CEP120: variants seen among roughly 807,000 people sequenced by gnomAD.
The protein encoded by CEP120 is centrosomal protein of 120 kDa.
In CEP120, 113 loss-of-function variants were observed where a neutral mutation model predicts 126.5. The ratio of observed to expected loss-of-function variants is 0.89; its 90% CI spans 0.77 to 1.04. The LOEUF (loss-of-function observed/expected upper bound fraction) is 1.04, where lower values mean the gene tolerates loss of function less well. Among genes scored for constraint, CEP120 ranks in the 50% least tolerant of loss-of-function variants. CEP120 has a pLI of 0.00. For missense variants in CEP120, 1,230 were observed against 1,155.7 expected, an observed-to-expected ratio of 1.06 and a Z score of -0.93; for synonymous variants, 400 against 394.3, an observed-to-expected ratio of 1.01 and a Z score of -0.17.
intron 19 of CEP120, among the ~76,000 whole-genome samples, chr5:123,347,285 G>GTCTT (rs1271142099): frequency 2.0e-5 from 3 of 151,506 alleles, no homozygotes; most frequent in Non-Finnish European, 4.4e-5. Context: ...TTTATTATTG[G>GTCTT]TCTTTAGGTT....
chr5:123,409,983 A>AC (rs1441095646), intron 4 of CEP120, among the ~76,000 whole-genome samples: 1 of 124,730 alleles, frequency 8.0e-6, no homozygotes, highest in African/African-American at 3.0e-5. Flanking sequence ...AAAAAAAAAA[A>AC]AAAAAAAACC....
intron 3 of CEP120, among the ~76,000 whole-genome samples, chr5:123,413,866 C>T (rs943926211): frequency 2.0e-5 from 3 of 152,102 alleles, no homozygotes; most frequent in Non-Finnish European, 2.9e-5. Context: ...TTTCCAGCTA[C>T]TCAGAGAATT....
intron 7 of CEP120, among the ~76,000 whole-genome samples, chr5:123,390,573 A>G (rs1371277974): frequency 6.6e-6 from 1 of 152,218 alleles, no homozygotes; most frequent in Non-Finnish European, 1.5e-5. Context: ...CGGTTCTTCT[A>G]TCTTTAATTC....
chr5:123,367,543 G>A (rs1770553665), intron 17 of CEP120, among the ~76,000 whole-genome samples: 1 of 151,632 alleles, frequency 6.6e-6, no homozygotes, highest in Admixed American at 6.6e-5. Flanking sequence ...TCCGAACAGC[G>A]ATGCTGAACA....
chr5:123,370,685 G>GTGTA (rs1554101243), intron 17 of CEP120, among the ~76,000 whole-genome samples: 39 of 146,096 alleles, frequency 2.7e-4, no homozygotes, highest in African/African-American at 4.3e-4. Flanking sequence ...GTGTGTGTGT[G>GTGTA]TATATATATA....
rs757166785 is a variant in CEP120 at position 123,372,688 on chromosome 5, G to A, written c.2443C>T (p.Arg815Cys). Reference protein sequence around the residue: ...KDQQNNKPEIRLQSEINLLTL... With the variant: ...KDQQNNKPEICLQSEINLLTL... ...AGAAGATTTATTTCAGACTGTAGAC[G>A]GATTTCTGGTTTGTTGTTTTGCTGG... is the stretch of plus-strand genomic sequence containing the variant. Residue 815 changes from arginine (R) to cysteine (C), a missense_variant, in exon 17 of 20, where the codon CGT becomes TGT. Transcript: ENST00000306467. 22 of 1,611,630 alleles carry A rather than the reference G, an allele frequency of 1.4e-5. No homozygotes were observed. Among genetic ancestry groups the A allele is most frequent in the Admixed American group, 1.7e-5 (1 of 59,736 alleles).
At chr5:123,406,405 A>AAC (rs1361564673) in intron 4 of CEP120, among the ~76,000 whole-genome samples, 1 of 151,468 alleles carries the variant, frequency 6.6e-6, no homozygotes, top group Non-Finnish European at 1.5e-5. Flanking sequence ...AAAAAAAAAA[A>AAC]ACTTGCTGCT....
intron 4 of CEP120, chr5:123,400,825 T>G (rs561551815): frequency 1.2e-6 from 1 of 841,150 alleles, no homozygotes; most frequent in South Asian, 1.3e-5. Context: ...CTCAGGTGGG[T>G]CTCCTGTTCC....
chr5:123,394,473 T>A (rs546107086), intron 5 of CEP120, among the ~76,000 whole-genome samples: 1 of 152,188 alleles, frequency 6.6e-6, no homozygotes, highest in African/African-American at 2.4e-5. Flanking sequence ...ACTGATCTGA[T>A]AGGAGGCAGA....
rs1473687831 is a variant in CEP120 at position 123,346,263 on chromosome 5, T to C, written c.*256A>G. 2.8e-6 allele frequency: 1 copy of C among 353,264 alleles called. No individual in the cohort carries two copies. Among genetic ancestry groups the C allele is most frequent in the Non-Finnish European group, 5.1e-6 (1 of 196,450 alleles). 21.9% of individuals were successfully genotyped at this position (353,264 alleles called of 1,614,324 possible). A position where few individuals can be genotyped will look rare whatever the true frequency, so the allele number is the denominator to read the frequency against. ...AGCTGTTTTGAAAGTTAGTTAGCCA[T>C]CAGATTATAAACTATGAAAAACACT... On this transcript the variant is annotated 3_prime_UTR_variant, in exon 20 of 20. Transcript: ENST00000306467.
rs757289429 is a variant in CEP120, at chr5:123,388,400, AAAT to A, written c.1430+29_1430+31del. 12 of 1,415,212 alleles carry A rather than the reference AAAT, an allele frequency of 8.5e-6. No homozygotes were observed. The South Asian group carries it at 1.9e-4, about 23-fold the overall frequency. The allele number at this position is 1,415,212 out of a possible 1,614,324, so 87.7% of individuals were successfully genotyped here. A position where few individuals can be genotyped will look rare whatever the true frequency, so the allele number is the denominator to read the frequency against. ...CACAGGAAAGTCCTTTCTCTTCAGA[AAAT>A]AATACTTTGAAACAAAATCAAATCA... On this transcript the variant is annotated intron_variant, in intron 9 of 19. Coordinates refer to ENST00000306467, the MANE Select transcript of CEP120 (RefSeq NM_001375405.1).
At chr5:123,383,181 A>G in intron 11 of CEP120, 99 bp from the exon 12 acceptor site, 2 of 678,444 alleles carry the variant, frequency 2.9e-6, no homozygotes, top group Non-Finnish European at 4.9e-6. Context: ...AGTAAGCAAC[A>G]TTTTCTGCTC....
At position 123,415,530 on chromosome 5, in the gene CEP120, C is replaced by T. The variant is rs147310102; in HGVS notation, c.321+480G>A. Among the ~76,000 whole-genome samples, 33 of 152,252 alleles carry T rather than the reference C, an allele frequency of 2.2e-4. 1 individual carries two copies. Among genetic ancestry groups the T allele is most frequent in the African/African-American group, 7.7e-4 (32 of 41,556 alleles). ...CAAGACAGTTCTTGGTCAAGGAAAT[C>T]ACTAAAATGTTGAGATTTTCTAAAT... On this transcript the variant is annotated intron_variant, in intron 3 of 19. Transcript: ENST00000306467.
intron 4 of CEP120, among the ~76,000 whole-genome samples, chr5:123,410,974 T>A (rs1386592762): frequency 6.6e-6 from 1 of 152,138 alleles, no homozygotes; most frequent in South Asian, 2.1e-4. Context: ...CAAAGAACTC[T>A]TAAAATTCAA....
At chr5:123,383,858 G>A (rs2127052775) in intron 11 of CEP120, among the ~76,000 whole-genome samples, 1 of 152,188 alleles carries the variant, frequency 6.6e-6, no homozygotes. Context: ...CCATGGTTTT[G>A]TCTAAATCAA....
chr5:123,390,120 G>A lies in CEP120; in HGVS notation c.1059C>T (p.Thr353=). Residue 353 remains threonine, a synonymous_variant, in exon 8 of 20, where the codon ACC becomes ACT. Coordinates refer to ENST00000306467, the MANE Select transcript of CEP120 (RefSeq NM_001375405.1). ...AATGCTCTGGCTCATGTTCATTCTG[G>A]GTCTTTAATTCAATTAAAGACTAAA... The part of the protein sequence containing the change: ...IDSQSLIELK[T]QNEHEPEHSK... The A allele has an allele frequency of 6.2e-7, 1 of 1,610,496 alleles. No individual in the cohort carries two copies. The highest frequency in any genetic ancestry group is 8.5e-7 in the Non-Finnish European group (1 of 1,178,358).
chr5:123,400,990 C>A (rs1345946899), intron 4 of CEP120: 50 of 1,553,704 alleles, frequency 3.2e-5, no homozygotes, highest in Admixed American at 1.5e-4. Flanking sequence ...ACAACCACGG[C>A]CCTGGAGTAG....
rs778321493 is a variant in CEP120, at chr5:123,382,857, A to G, written c.1893T>C (p.Ser631=). ...GVSAVQQKPS[S]LPPAPCPSEI... ...CTGAAGGACAAGGTGCTGGAGGAAG[A>G]GAAGACGGCTTTTGCTGTACGGCAG... The change falls in exon 13 of 20, where the codon TCT becomes TCC. Residue 631 remains serine (S), a synonymous_variant. Coordinates refer to ENST00000306467, the MANE Select transcript of CEP120 (RefSeq NM_001375405.1). The G allele has an allele frequency of 1.2e-6, 2 of 1,613,476 alleles. No individual in the cohort carries two copies. The highest frequency in any genetic ancestry group is 1.3e-5 in the African/African-American group (1 of 75,014).
intron 19 of CEP120, among the ~76,000 whole-genome samples, chr5:123,349,130 GA>G (rs1172583186): frequency 2.0e-5 from 3 of 152,116 alleles, no homozygotes; most frequent in Admixed American, 6.6e-5. Flanking sequence ...TTTCTAACAT[GA>G]AACACTTGAA....
Sources: allele counts gnomAD v4.1 joint callset (sites outside exome capture counted in the v4.1 genomes callset), GRCh38; gene constraint gnomAD v4.1.1; transcripts MANE v1.5; gene names NCBI Gene and HGNC (gene_info 2026-07-23, HGNC 2026-07-21).